The following SBF2 variants were observed in gnomAD, a reference collection of about 807,000 sequenced individuals.
The protein encoded by SBF2 is SET binding factor 2.
In SBF2, 112 loss-of-function variants were observed where a neutral mutation model predicts 225.2. The observed-to-expected ratio is 0.50, with a 90% CI of 0.43 to 0.58. The LOEUF (loss-of-function observed/expected upper bound fraction) is 0.58. SBF2 is among the 20% of genes least tolerant of loss of function. The pLI, the probability that SBF2 is intolerant of heterozygous loss-of-function variation, is 0.00. For missense variants in SBF2, 1,996 were observed against 2,206.2 expected, an observed-to-expected ratio of 0.90 and a Z score of 1.91; for synonymous variants, 763 against 773.3, an observed-to-expected ratio of 0.99 and a Z score of 0.22.
chr11:9,943,693 C>T (rs561992210), intron 16 of SBF2, among the ~76,000 whole-genome samples: 1 of 152,066 alleles, frequency 6.6e-6, no homozygotes, highest in African/African-American at 2.4e-5. Flanking sequence ...TTTATAATCA[C>T]TGGACTGGTA....
intron 30 of SBF2, chr11:9,809,335 T>C (rs1177888011): frequency 7.6e-6 from 2 of 264,326 alleles, no homozygotes; most frequent in Admixed American, 1.0e-4. Flanking sequence ...TTCAAAAAAG[T>C]AGACACATTT....
At chr11:10,055,672 A>C (rs1037399106) in intron 2 of SBF2, among the ~76,000 whole-genome samples, 4 of 152,166 alleles carry the variant, frequency 2.6e-5, no homozygotes, top group Admixed American at 6.6e-5. Flanking sequence ...CAACTCAGGA[A>C]TGGAAAACCA....
chr11:10,097,515 A>G (rs1426829441), intron 2 of SBF2, among the ~76,000 whole-genome samples: 2 of 152,202 alleles, frequency 1.3e-5, no homozygotes, highest in Admixed American at 1.3e-4. Context: ...AAAATATTCC[A>G]AAACACATTC....
intron 13 of SBF2, among the ~76,000 whole-genome samples, chr11:9,980,338 A>G (rs1489284495): frequency 2.7e-5 from 4 of 148,574 alleles, no homozygotes; most frequent in South Asian, 4.3e-4. Flanking sequence ...GTCTCACTAT[A>G]TTACCCAGGC....
At chr11:10,058,199 T>C (rs1255436118) in intron 2 of SBF2, among the ~76,000 whole-genome samples, 1 of 152,112 alleles carries the variant, frequency 6.6e-6, no homozygotes, top group African/African-American at 2.4e-5. Flanking sequence ...ATTCAGAATA[T>C]GGATAGGAAC....
intron 32 of SBF2, 64 bp downstream of exon 32, chr11:9,807,936 C>T (rs1853945588): frequency 2.4e-5 from 34 of 1,396,412 alleles, no homozygotes; most frequent in South Asian, 5.9e-5. Context: ...CGCAATGCTC[C>T]ATCAATGCTA....
intron 8 of SBF2, among the ~76,000 whole-genome samples, chr11:9,998,845 T>C (rs1272586604): frequency 1.3e-5 from 2 of 152,252 alleles, no homozygotes; most frequent in African/African-American, 4.8e-5. Flanking sequence ...TATGGACTGC[T>C]GCATGAATGT....
At chr11:10,097,472 G>C (rs1565225175) in intron 2 of SBF2, among the ~76,000 whole-genome samples, 1 of 152,116 alleles carries the variant, frequency 6.6e-6, no homozygotes. Context: ...TGTCTATTCA[G>C]GCAGAGACCA....
At chr11:9,950,786 C>G (rs1387193244) in intron 16 of SBF2, among the ~76,000 whole-genome samples, 2 of 152,152 alleles carry the variant, frequency 1.3e-5, no homozygotes, top group Admixed American at 1.3e-4. Context: ...AAGCTACTGG[C>G]CTGTGAAGGG....
intron 1 of SBF2, among the ~76,000 whole-genome samples, chr11:10,275,876 G>A (rs1380254362): frequency 6.6e-6 from 1 of 152,014 alleles, no homozygotes; most frequent in African/African-American, 2.4e-5. Context: ...AAAATGTGAT[G>A]TTTCATTGCT....
intron 1 of SBF2, among the ~76,000 whole-genome samples, chr11:10,265,171 T>C (rs184348704): frequency 6.6e-6 from 1 of 152,290 alleles, no homozygotes; most frequent in East Asian, 1.9e-4. Flanking sequence ...TCTTCCACAA[T>C]GGTTGAACTA....
chr11:9,818,134 G>A (rs1854557807), intron 28 of SBF2, among the ~76,000 whole-genome samples: 1 of 151,922 alleles, frequency 6.6e-6, no homozygotes, highest in Admixed American at 6.6e-5. Context: ...TAGTAGAGAC[G>A]GGGTTTCTTC....
chr11:10,065,158 CCTAAATAACT>C (rs1316192316), intron 2 of SBF2, among the ~76,000 whole-genome samples: 6 of 151,740 alleles, frequency 4.0e-5, no homozygotes, highest in Admixed American at 3.3e-4. Context: ...TAAATGCATA[CCTAAATAACT>C]CATAAACCAA....
intron 1 of SBF2, among the ~76,000 whole-genome samples, chr11:10,230,810 G>A (rs542970326): frequency 2.6e-5 from 4 of 152,110 alleles, no homozygotes. Context: ...TTCTCAAGGA[G>A]TATCTTTGTG....
chr11:10,052,218 A>G (rs1950090991), intron 2 of SBF2, among the ~76,000 whole-genome samples: 1 of 152,126 alleles, frequency 6.6e-6, no homozygotes, highest in African/African-American at 2.4e-5. Flanking sequence ...CTGTCATAAC[A>G]GACTGACCTA....
chr11:10,186,153 AACTAAGAAACAGACAAGTGGGAGAGATAT>A (rs1956927280), intron 2 of SBF2, among the ~76,000 whole-genome samples: 1 of 152,370 alleles, frequency 6.6e-6, no homozygotes, highest in African/African-American at 2.4e-5. Context: ...TAAAGGATAC[AACTAAGAAACAGACAAGTGGGAGAGATAT>A]ACAGAGTGAG....
At chr11:9,803,324 G>A (rs964873871) in intron 32 of SBF2, among the ~76,000 whole-genome samples, 1 of 152,060 alleles carries the variant, frequency 6.6e-6, no homozygotes, top group African/African-American at 2.4e-5. Flanking sequence ...TTAGCCTTTT[G>A]TAGTTTTAGC....
chr11:10,165,516 T>C (rs1955912074), intron 2 of SBF2, among the ~76,000 whole-genome samples: 1 of 152,214 alleles, frequency 6.6e-6, no homozygotes. Flanking sequence ...CCAAAAATGA[T>C]GTCCAAAGAT....
chr11:9,832,965 ATACAT>A (rs1421116901), intron 26 of SBF2, among the ~76,000 whole-genome samples: 1 of 152,248 alleles, frequency 6.6e-6, no homozygotes, highest in African/African-American at 2.4e-5. Context: ...CCCTTGCCTT[ATACAT>A]TACTTTTCCA....
Sources: allele counts gnomAD v4.1 joint callset (sites outside exome capture counted in the v4.1 genomes callset), GRCh38; gene constraint gnomAD v4.1.1; transcripts MANE v1.5; gene names NCBI Gene and HGNC (gene_info 2026-07-23, HGNC 2026-07-21).